NRDE2: variants seen among roughly 807,000 people sequenced by gnomAD.
The protein encoded by NRDE2 is NRDE-2, necessary for RNA interference, domain containing, also known as nuclear exosome regulator NRDE2.
NRDE2 carries 76 observed loss-of-function variants against 124.2 expected under a neutral mutation model. The observed-to-expected ratio is 0.61, with a 90% CI of 0.51 to 0.74. The LOEUF is 0.74. NRDE2 is among the 30% of genes least tolerant of loss of function. The pLI is 0.00. For synonymous variants in NRDE2, 489 were observed against 528.1 expected, an observed-to-expected ratio of 0.93 and a Z score of 1.01; for missense variants, 1,314 against 1,417.3, an observed-to-expected ratio of 0.93 and a Z score of 1.17.
At chr14:90,282,882 G>A (rs1037258203) in intron 12 of NRDE2, among the ~76,000 whole-genome samples, 4 of 152,142 alleles carry the variant, frequency 2.6e-5, no homozygotes, top group Non-Finnish European at 4.4e-5. Flanking sequence ...GGCCAGGCCG[G>A]TCTCGAACTC....
intron 5 of NRDE2, 29 bp from the exon 6 acceptor site, chr14:90,303,154 T>C (rs767740123): frequency 1.2e-5 from 19 of 1,589,180 alleles, no homozygotes; most frequent in Middle Eastern, 1.7e-4. Context: ...AATTTACAAA[T>C]GCAAATGGAC....
chr14:90,281,752 A>G (rs1045179083), intron 12 of NRDE2, among the ~76,000 whole-genome samples: 3 of 152,236 alleles, frequency 2.0e-5, no homozygotes, highest in African/African-American at 7.2e-5. Context: ...GTTAGCTTAT[A>G]CAATTTTTTA....
intron 1 of NRDE2, 104 bp from the exon 2 acceptor site, chr14:90,318,217 G>A: frequency 1.2e-6 from 1 of 842,908 alleles, no homozygotes; most frequent in African/African-American, 1.7e-5. Flanking sequence ...CACAGCCAAT[G>A]CCAGCCAGAC....
At chr14:90,312,810 G>T (rs987863207) in intron 3 of NRDE2, among the ~76,000 whole-genome samples, 1 of 152,142 alleles carries the variant, frequency 6.6e-6, no homozygotes, top group Non-Finnish European at 1.5e-5. Flanking sequence ...AAATTAACCT[G>T]AAGAATATAG....
At chr14:90,307,081 T>A (rs1239684918) in intron 4 of NRDE2, among the ~76,000 whole-genome samples, 1 of 152,220 alleles carries the variant, frequency 6.6e-6, no homozygotes, top group Non-Finnish European at 1.5e-5. Flanking sequence ...TACTGGCCTA[T>A]ATTACTATCT....
At chr14:90,315,264 G>A (rs1173168186) in intron 3 of NRDE2, among the ~76,000 whole-genome samples, 1 of 151,380 alleles carries the variant, frequency 6.6e-6, no homozygotes, top group East Asian at 1.9e-4. Flanking sequence ...CCAGCTACTT[G>A]GGAGGCTGAG....
At chr14:90,288,130 C>CAGGAA (rs1892158236) in intron 11 of NRDE2, 87 bp downstream of exon 11, 2 of 1,269,862 alleles carry the variant, frequency 1.6e-6, no homozygotes, top group South Asian at 2.8e-5. Context: ...TCATCCCTGT[C>CAGGAA]TTCCTGAGAC....
At position 90,301,243 on chromosome 14, in the gene NRDE2, C is replaced by A. The variant is rs528565000; in HGVS notation, c.1541G>T (p.Gly514Val). The change falls in exon 7 of 14, where the codon GGA becomes GTA. Residue 514 changes from glycine (G) to valine (V), a missense_variant. Physicochemically the swap from Gly to Val is moderately radical, Grantham distance 109 (BLOSUM62 -3). Coordinates refer to ENST00000354366, the MANE Select transcript of NRDE2 (RefSeq NM_017970.4). ...PDSVKDLPTK[G>V]QVEFFEPFWD... ...GAGGCGAGCAGAGCTGGGTACCTGT[C>A]CTTTGGTAGGCAGATCTTTCACGCT... 4.3e-6 allele frequency: 7 copies of A among 1,613,498 alleles called. No homozygotes were observed. In the South Asian group the frequency reaches 4.4e-5, roughly 10 times the overall value.
chr14:90,270,115 A>G lies in NRDE2; in HGVS notation c.*8221T>C. ...TCTGTCCGACTGAAACTTCGTATGT[A>G]AGGAGATGGGCTGAGGCCTCTGAGC... On this transcript the variant is annotated 3_prime_UTR_variant, in exon 14 of 14. Transcript: ENST00000354366. 9.1e-6 allele frequency: 13 copies of G among 1,426,466 alleles called. No homozygotes were observed. Among genetic ancestry groups the G allele is most frequent in the Non-Finnish European group, 1.0e-5 (11 of 1,047,814 alleles). The allele number at this position is 1,426,466 out of a possible 1,614,324, so 88.4% of individuals were successfully genotyped here. A position where few individuals can be genotyped will look rare whatever the true frequency, so the allele number is the denominator to read the frequency against.
intron 12 of NRDE2, among the ~76,000 whole-genome samples, chr14:90,285,825 G>C (rs1421154777): frequency 6.6e-6 from 1 of 151,806 alleles, no homozygotes; most frequent in Non-Finnish European, 1.5e-5. Flanking sequence ...TGTAGAGATG[G>C]GGTATCACCA....
intron 4 of NRDE2, among the ~76,000 whole-genome samples, chr14:90,311,180 G>C (rs903163828): frequency 3.9e-5 from 6 of 152,128 alleles, no homozygotes; most frequent in Non-Finnish European, 8.8e-5. Flanking sequence ...ATCTCCTCTT[G>C]GCTTTATATT....
chr14:90,318,889 A>G (rs1167099885), intron 1 of NRDE2, among the ~76,000 whole-genome samples: 3 of 152,204 alleles, frequency 2.0e-5, no homozygotes, highest in Non-Finnish European at 4.4e-5. Flanking sequence ...ATCTTTTAAA[A>G]AATATTCCAT....
intron 3 of NRDE2, among the ~76,000 whole-genome samples, chr14:90,313,109 T>C (rs1884906236): frequency 6.7e-6 from 1 of 149,426 alleles, no homozygotes; most frequent in South Asian, 2.1e-4. Flanking sequence ...TTAGGCTTGG[T>C]CTCAGCCTCA....
intron 12 of NRDE2, 68 bp from the exon 13 acceptor site, chr14:90,279,201 C>T: frequency 8.2e-7 from 1 of 1,223,468 alleles, no homozygotes; most frequent in Non-Finnish European, 1.2e-6. Context: ...ACACAAACGC[C>T]CCTGGATGAC....
At chr14:90,311,274 C>A (rs1458268828) in intron 4 of NRDE2, among the ~76,000 whole-genome samples, 2 of 152,114 alleles carry the variant, frequency 1.3e-5, no homozygotes, top group African/African-American at 4.8e-5. Flanking sequence ...TCTTTATGTT[C>A]CCCACGGTTT....
chr14:90,318,012 G>T lies in NRDE2; in HGVS notation c.166C>A (p.Leu56Met). Residue 56 changes from leucine to methionine, a missense_variant, in exon 2 of 14, where the codon CTG becomes ATG. Transcript: ENST00000354366. ...APAHVSEGLPLTRSHLKSESS... is the reference protein window; with the variant it reads ...APAHVSEGLPMTRSHLKSESS... ...CTGTCAAACAAAAACTACCTTGTCAGCGGTAACCCTTCAGAAACATGGGCT... is the reference window on the plus strand; with the variant it reads ...CTGTCAAACAAAAACTACCTTGTCATCGGTAACCCTTCAGAAACATGGGCT... The T allele has an allele frequency of 1.9e-6, 3 of 1,613,624 alleles. No individual in the cohort carries two copies. The highest frequency in any genetic ancestry group is 1.7e-6 in the Non-Finnish European group (2 of 1,179,674).
intron 1 of NRDE2, among the ~76,000 whole-genome samples, chr14:90,321,746 T>G (rs191071784): frequency 6.6e-6 from 1 of 152,164 alleles, no homozygotes; most frequent in Non-Finnish European, 1.5e-5. Flanking sequence ...CAGGGAATAC[T>G]AGAAGTAATA....
In NRDE2 at chr14:90,269,837, T is replaced by A. The variant is rs193214239; in HGVS notation, c.*8499A>T. 2.5e-6 allele frequency: 1 copy of A among 400,794 alleles called. No homozygotes were observed. Among genetic ancestry groups the A allele is most frequent in the East Asian group, 4.3e-5 (1 of 23,368 alleles). The allele number at this position is 400,794 out of a possible 1,614,324, so 24.8% of individuals were successfully genotyped here. A position where few individuals can be genotyped will look rare whatever the true frequency, so the allele number is the denominator to read the frequency against. ...TGCTTTTTCTGGAAGAAATAATTCATGTGATGGTAGGATTTGTCCTTTTTA... is the reference window on the plus strand; with the variant it reads ...TGCTTTTTCTGGAAGAAATAATTCAAGTGATGGTAGGATTTGTCCTTTTTA... On this transcript the variant is annotated 3_prime_UTR_variant, in exon 14 of 14. Coordinates refer to ENST00000354366, the MANE Select transcript of NRDE2 (RefSeq NM_017970.4).
chr14:90,269,380 T>TC lies in NRDE2; in HGVS notation c.*8955_*8956insG, dbSNP rs557295445. ...ATCAGTTGAGTCTTCATTCCTTCCCTTTTTTTTTTTCCAAAGATATGACTC... is the reference window on the plus strand; with the variant it reads ...ATCAGTTGAGTCTTCATTCCTTCCCTCTTTTTTTTTTCCAAAGATATGACTC... On this transcript the variant is annotated 3_prime_UTR_variant, in exon 14 of 14. Coordinates refer to ENST00000354366, the MANE Select transcript of NRDE2 (RefSeq NM_017970.4). 1 of 1,156,546 alleles carries TC rather than the reference T, an allele frequency of 8.6e-7. No homozygotes were observed. The highest frequency in any genetic ancestry group is 2.6e-5 in the African/African-American group (1 of 37,742). 71.6% of individuals were successfully genotyped at this position (1,156,546 alleles called of 1,614,324 possible).
Sources: allele counts gnomAD v4.1 joint callset (sites outside exome capture counted in the v4.1 genomes callset), GRCh38; gene constraint gnomAD v4.1.1; transcripts MANE v1.5; gene names NCBI Gene and HGNC (gene_info 2026-07-23, HGNC 2026-07-21).